The following DAB1 variants were observed in gnomAD, a reference collection of about 807,000 sequenced individuals.
DAB1 encodes disabled homolog 1.
In DAB1, 15 loss-of-function variants were observed where a neutral mutation model predicts 64.6. The observed-to-expected ratio is 0.23, with a 90% CI of 0.16 to 0.36. The LOEUF (loss-of-function observed/expected upper bound fraction) is 0.36, where lower values mean the gene tolerates loss of function less well. Ranked by LOEUF, DAB1 falls within the 10% of genes least tolerant of loss-of-function variation. The pLI is 1.00. For synonymous variants in DAB1, 235 were observed against 251.9 expected (o/e 0.93, Z 0.64); for missense variants, 596 against 706.7 (o/e 0.84, Z 1.78).
intron 3 of DAB1, among the ~76,000 whole-genome samples, chr1:58,484,191 T>G (rs1252712096): frequency 6.6e-6 from 1 of 152,224 alleles, no homozygotes; most frequent in Non-Finnish European, 1.5e-5. Flanking sequence ...GTAATTTACT[T>G]TGTATTTCTC....
chr1:57,694,977 A>T (rs1646806605), intron 6 of DAB1, among the ~76,000 whole-genome samples: 1 of 152,128 alleles, frequency 6.6e-6, no homozygotes, highest in Non-Finnish European at 1.5e-5. Flanking sequence ...ACAAATACCC[A>T]GTTAATGCTA....
intron 6 of DAB1, among the ~76,000 whole-genome samples, chr1:57,736,047 A>T (rs1410441805): frequency 1.3e-5 from 2 of 152,038 alleles, no homozygotes; most frequent in East Asian, 1.9e-4. Flanking sequence ...ATCTAAGTTT[A>T]AAAAAAAGAA....
At chr1:58,525,003 C>A (rs1192781919) in intron 2 of DAB1, among the ~76,000 whole-genome samples, 1 of 152,152 alleles carries the variant, frequency 6.6e-6, no homozygotes, top group Non-Finnish European at 1.5e-5. Flanking sequence ...AAGAGTAGTA[C>A]CATAGGTACC....
chr1:58,122,804 G>T (rs1652833089), intron 5 of DAB1, among the ~76,000 whole-genome samples: 1 of 152,070 alleles, frequency 6.6e-6, no homozygotes, highest in South Asian at 2.1e-4. Context: ...ATTTCTGAAG[G>T]ATAGAGACAT....
At chr1:58,013,031 A>G (rs1009253261) in intron 5 of DAB1, among the ~76,000 whole-genome samples, 1 of 152,132 alleles carries the variant, frequency 6.6e-6, no homozygotes, top group East Asian at 1.9e-4. Flanking sequence ...ATTACACAAA[A>G]TGACTAAATT....
chr1:57,144,642 C>T (rs1298483481), intron 3 of DAB1, among the ~76,000 whole-genome samples: 2 of 149,726 alleles, frequency 1.3e-5, no homozygotes, highest in African/African-American at 4.9e-5. Context: ...TGCAGTGAGC[C>T]GAGATTGCGC....
chr1:57,162,839 G>A (rs1237924546), intron 2 of DAB1, among the ~76,000 whole-genome samples: 1 of 152,204 alleles, frequency 6.6e-6, no homozygotes, highest in African/African-American at 2.4e-5. Context: ...AAAACAGAGA[G>A]TGCAAATCAA....
At position 58,235,256 on chromosome 1, in the gene DAB1, C is replaced by T. The variant is rs370033136; in HGVS notation, n.310-84668G>A. ...TCTGATTATTCTCATCCCCATTTTACAGCAATGGAAACTGGAATTTGAAGA... is the reference window on the plus strand; with the variant it reads ...TCTGATTATTCTCATCCCCATTTTATAGCAATGGAAACTGGAATTTGAAGA... On this transcript the variant is annotated intron_variant and non_coding_transcript_variant, in intron 4 of 20. Transcript: ENST00000485760. 7.9e-5 allele frequency among the ~76,000 whole-genome samples: 12 copies of T among 152,306 alleles called. No individual in the cohort carries two copies. The East Asian group carries it at 2.1e-3, about 27-fold the overall frequency.
At chr1:57,001,882 A>C (rs1645882117) in intron 14 of DAB1, among the ~76,000 whole-genome samples, 1 of 152,166 alleles carries the variant, frequency 6.6e-6, no homozygotes, top group South Asian at 2.1e-4. Flanking sequence ...GATGCTTCAG[A>C]ACCTGTGCAG....
intron 8 of DAB1, among the ~76,000 whole-genome samples, chr1:57,063,483 G>A (rs572987930): frequency 6.6e-6 from 1 of 152,282 alleles, no homozygotes; most frequent in African/African-American, 2.4e-5. Context: ...AGGCCCACGA[G>A]TGGTATGGAA....
chr1:58,364,506 T>C (rs1213661), intron 3 of DAB1, among the ~76,000 whole-genome samples: 20,470 of 152,172 alleles, frequency 0.13, 1,830 homozygotes, highest in African/African-American at 0.25. Flanking sequence ...GAACCAGAGA[T>C]GCTAATAGCT....
At chr1:57,708,814 G>A (rs955376871) in intron 6 of DAB1, among the ~76,000 whole-genome samples, 2 of 152,090 alleles carry the variant, frequency 1.3e-5, no homozygotes, top group African/African-American at 4.8e-5. Context: ...GAGGGATGGT[G>A]CATGCAATGC....
At position 57,889,881 on chromosome 1, in the gene DAB1, T is replaced by C. The variant is rs181944933; in HGVS notation, n.388-5719A>G. On this transcript the variant is annotated intron_variant and non_coding_transcript_variant, in intron 5 of 20. Coordinates refer to the DAB1 transcript ENST00000485760. ...TCTACAAGCTCCTCAGATTCGCAGA[T>C]GGTAGCACAAACTGGGGCGGGGGGG... Among the ~76,000 whole-genome samples, 232 of 87,748 alleles carry C rather than the reference T, an allele frequency of 2.6e-3. 1 individual carries two copies. The highest frequency in any genetic ancestry group is 0.011 in the African/African-American group (220 of 19,506). 57.6% of individuals were successfully genotyped at this position (87,748 alleles called of 152,430 possible). A position where few individuals can be genotyped will look rare whatever the true frequency, so the allele number is the denominator to read the frequency against.
intron 3 of DAB1, among the ~76,000 whole-genome samples, chr1:58,449,382 T>C (rs1645108013): frequency 6.6e-6 from 1 of 152,176 alleles, no homozygotes; most frequent in Non-Finnish European, 1.5e-5. Flanking sequence ...GATGTGCATG[T>C]CCTCTGACAA....
chr1:58,475,931 C>T (rs548791202), intron 3 of DAB1, among the ~76,000 whole-genome samples: 3 of 152,188 alleles, frequency 2.0e-5, no homozygotes, highest in African/African-American at 4.8e-5. Context: ...AAAAATACAA[C>T]CTTAAGTATA....
chr1:57,387,053 C>T (rs185161296), intron 1 of DAB1: 88 of 152,264 alleles, frequency 5.8e-4, no homozygotes, highest in African/African-American at 2.0e-3. Context: ...ATCCAGCTCT[C>T]TACTTTCTCC....
At chr1:58,244,099 C>T (rs1005786148) in intron 4 of DAB1, among the ~76,000 whole-genome samples, 5 of 152,166 alleles carry the variant, frequency 3.3e-5, no homozygotes, top group African/African-American at 1.2e-4. Flanking sequence ...TCTCACTTGC[C>T]ATGTGACTCT....
At position 58,533,731 on chromosome 1, in the gene DAB1, T is replaced by C. The variant is rs545352773; in HGVS notation, n.33-6396A>G. 1.1e-4 allele frequency among the ~76,000 whole-genome samples: 17 copies of C among 152,268 alleles called. No homozygotes were observed. In the East Asian group the frequency reaches 2.5e-3, roughly 22 times the overall value. On this transcript the variant is annotated intron_variant and non_coding_transcript_variant, in intron 1 of 20. Coordinates refer to the DAB1 transcript ENST00000485760. ...TAGCAAAAGAGACAGGTGATAAAAA[T>C]AGTATTTAAGAAAAATATTATTCAG...
At chr1:57,171,010 G>A (rs1857739) in intron 2 of DAB1, among the ~76,000 whole-genome samples, 41,517 of 152,066 alleles carry the variant, frequency 0.27, 9,032 homozygotes, top group African/African-American at 0.61. Context: ...CAAAGAGTTC[G>A]ATACGGCTTG....
Sources: allele counts gnomAD v4.1 joint callset (sites outside exome capture counted in the v4.1 genomes callset), GRCh38; gene constraint gnomAD v4.1.1; transcripts MANE v1.5; gene names NCBI Gene and HGNC (gene_info 2026-07-23, HGNC 2026-07-21).